The following SLCO4C1 variants were observed in gnomAD, a reference collection of about 807,000 sequenced individuals.
SLCO4C1 encodes the protein solute carrier organic anion transporter family member 4C1.
Under a neutral mutation model 72.1 loss-of-function variants are expected in SLCO4C1, and 58 were observed. That is an observed-to-expected ratio of 0.80 (90% CI 0.65 to 1.00). SLCO4C1 has a LOEUF of 1.00. Ranked by LOEUF, SLCO4C1 falls within the 50% of genes least tolerant of loss-of-function variation. SLCO4C1 has a pLI of 0.00. For synonymous variants in SLCO4C1, 297 were observed against 312.5 expected, an observed-to-expected ratio of 0.95 and a Z score of 0.52; for missense variants, 898 against 857.9, an observed-to-expected ratio of 1.05 and a Z score of -0.58.
At chr5:102,258,641 GT>G (rs1243969465) in intron 6 of SLCO4C1, among the ~76,000 whole-genome samples, 2 of 151,990 alleles carry the variant, frequency 1.3e-5, no homozygotes, top group African/African-American at 4.8e-5. Flanking sequence ...TTGACAGAGG[GT>G]AGTATGGAGG....
chr5:102,240,624 A>AT (rs1040533774), intron 11 of SLCO4C1, 94 bp downstream of exon 11: 78 of 937,628 alleles, frequency 8.3e-5, no homozygotes, highest in Middle Eastern at 2.8e-4. Flanking sequence ...TTCCACTATA[A>AT]TTTTTTTTGC....
At chr5:102,274,407 A>G (rs982583758) in intron 2 of SLCO4C1, among the ~76,000 whole-genome samples, 4 of 152,192 alleles carry the variant, frequency 2.6e-5, no homozygotes, top group Non-Finnish European at 4.4e-5. Flanking sequence ...GGAAATCCAC[A>G]TACCATATGT....
chr5:102,243,207 A>G (rs1490797853), intron 10 of SLCO4C1, among the ~76,000 whole-genome samples: 1 of 152,142 alleles, frequency 6.6e-6, no homozygotes, highest in East Asian at 1.9e-4. Context: ...GTAGACTTCT[A>G]AGGTTTTTGA....
At chr5:102,285,607 G>A (rs1228169683) in intron 2 of SLCO4C1, among the ~76,000 whole-genome samples, 1 of 152,116 alleles carries the variant, frequency 6.6e-6, no homozygotes, top group Admixed American at 6.6e-5. Context: ...TATTATCTAG[G>A]AAGTATGAGA....
chr5:102,253,804 C>CA (rs5870017), intron 8 of SLCO4C1, among the ~76,000 whole-genome samples: 62 of 143,494 alleles, frequency 4.3e-4, no homozygotes, highest in South Asian at 2.0e-3. Flanking sequence ...GACTCTATCT[C>CA]AAAAAAAAAA....
chr5:102,261,718 T>TA (rs929504572), intron 5 of SLCO4C1, among the ~76,000 whole-genome samples, 194 bp downstream of exon 5: 10 of 152,106 alleles, frequency 6.6e-5, no homozygotes, highest in Admixed American at 2.6e-4. Flanking sequence ...AATTGGAAAT[T>TA]AAAAAAACAT....
chr5:102,280,090 C>CAAAAAAAAAAAAAAAAA (rs36217271), intron 2 of SLCO4C1, among the ~76,000 whole-genome samples: 12 of 68,846 alleles, frequency 1.7e-4, no homozygotes, highest in Non-Finnish European at 2.7e-4. Flanking sequence ...TGCAATAAGG[C>CAAAAAAAAAAAAAAAAA]AAAAAAAAAA....
chr5:102,287,324 G>A (rs841932), intron 2 of SLCO4C1, among the ~76,000 whole-genome samples: 121,376 of 151,970 alleles, frequency 0.8, 48,865 homozygotes, highest in African/African-American at 0.9. Flanking sequence ...ACTACTAGAA[G>A]TTGGGGAAGA....
At chr5:102,250,541 T>C (rs180887450) in intron 8 of SLCO4C1, among the ~76,000 whole-genome samples, 1 of 152,092 alleles carries the variant, frequency 6.6e-6, no homozygotes, top group African/African-American at 2.4e-5. Flanking sequence ...AGTTTAGAAG[T>C]AGAGAGGGAC....
At chr5:102,264,738 A>T (rs1354036538) in intron 3 of SLCO4C1, among the ~76,000 whole-genome samples, 1 of 152,018 alleles carries the variant, frequency 6.6e-6, no homozygotes, top group Non-Finnish European at 1.5e-5. Flanking sequence ...TCCTAACTGT[A>T]GTTTTCTATC....
intron 9 of SLCO4C1, among the ~76,000 whole-genome samples, 173 bp from the exon 10 acceptor site, chr5:102,247,615 A>G (rs548347119): frequency 1.3e-5 from 2 of 152,280 alleles, no homozygotes; most frequent in South Asian, 4.1e-4. Context: ...GAAACAAACC[A>G]TATTTATGAT....
At chr5:102,292,108 A>G (rs981209500) in intron 1 of SLCO4C1, among the ~76,000 whole-genome samples, 1 of 152,182 alleles carries the variant, frequency 6.6e-6, no homozygotes, top group Admixed American at 6.5e-5. Context: ...TACAGGTGTG[A>G]GCCAACGCGC....
At chr5:102,286,097 C>T (rs1749447219) in intron 2 of SLCO4C1, among the ~76,000 whole-genome samples, 1 of 151,932 alleles carries the variant, frequency 6.6e-6, no homozygotes, top group Admixed American at 6.6e-5. Context: ...AGTTACCAAG[C>T]ATAACCAAAG....
chr5:102,269,437 G>C lies in SLCO4C1; in HGVS notation c.802+1187C>G, dbSNP rs572214283. ...TCGTGGTCAGAAATTCTTTCTGTTT[G>C]ATCTAGTCTATTGTTAAAGCTCTCA... On this transcript the variant is annotated intron_variant, in intron 3 of 12. Coordinates refer to ENST00000310954, the MANE Select transcript of SLCO4C1 (RefSeq NM_180991.5). 1.0e-3 allele frequency among the ~76,000 whole-genome samples: 159 copies of C among 151,778 alleles called. 1 individual carries two copies. Among genetic ancestry groups the C allele is most frequent in the Non-Finnish European group, 1.5e-3 (101 of 67,890 alleles).
In SLCO4C1 at chr5:102,296,192, G is replaced by C. The variant is rs1259550224; in HGVS notation, c.71C>G (p.Ser24Cys). The C allele has an allele frequency of 3.1e-6, 5 of 1,605,780 alleles. No homozygotes were observed. The highest frequency in any genetic ancestry group is 4.3e-6 in the Non-Finnish European group (5 of 1,175,530). Residue 24 changes from serine to cysteine, a missense_variant, in exon 1 of 13, where the codon TCT (serine) becomes TGT (cysteine). Physicochemically the swap from Ser to Cys is moderately radical, Grantham distance 112. Transcript: ENST00000310954. Reference protein sequence around the residue: ...PSSPDILRRLSASPSQIEVSA... With the variant: ...PSSPDILRRLCASPSQIEVSA... Reference sequence around the variant, plus strand: ...GACTTCGATTTGGGAGGGCGACGCAGACAAGCGGCGCAGGATGTCTGGGCT... The same window carrying C: ...GACTTCGATTTGGGAGGGCGACGCACACAAGCGGCGCAGGATGTCTGGGCT...
In SLCO4C1 at chr5:102,236,088, C is replaced by T. The variant is rs1164837467; in HGVS notation, c.*770G>A. 1 of 152,050 alleles carries T rather than the reference C, an allele frequency of 6.6e-6. No individual in the cohort carries two copies. The highest frequency in any genetic ancestry group is 2.4e-5 in the African/African-American group (1 of 41,390). The allele number at this position is 152,050 out of a possible 1,614,324, so 9.4% of individuals were successfully genotyped here. ...CTGGTACTTTCCTCTGAAATATATG[C>T]AATTGAATAATATTATCACAGAATC... On this transcript the variant is annotated 3_prime_UTR_variant, in exon 13 of 13. Transcript: ENST00000310954.
At chr5:102,277,570 A>G (rs902043969) in intron 2 of SLCO4C1, among the ~76,000 whole-genome samples, 1 of 152,180 alleles carries the variant, frequency 6.6e-6, no homozygotes, top group Non-Finnish European at 1.5e-5. Context: ...AGAGAATGAT[A>G]TCAGTGGAGT....
chr5:102,247,539 T>C, intron 9 of SLCO4C1, 97 bp from the exon 10 acceptor site: 3 of 764,418 alleles, frequency 3.9e-6, no homozygotes, highest in Non-Finnish European at 2.0e-6. Context: ...ACTCTCATAC[T>C]GTCTTAATCC....
chr5:102,246,782 C>T (rs1330456803), intron 10 of SLCO4C1, among the ~76,000 whole-genome samples: 1 of 151,968 alleles, frequency 6.6e-6, no homozygotes, highest in Non-Finnish European at 1.5e-5. Flanking sequence ...CAGTGGGATA[C>T]AAGGAGGAAG....
Sources: allele counts gnomAD v4.1 joint callset (sites outside exome capture counted in the v4.1 genomes callset), GRCh38; gene constraint gnomAD v4.1.1; transcripts MANE v1.5; gene names NCBI Gene and HGNC (gene_info 2026-07-23, HGNC 2026-07-21).